The following NCKAP5 variants were observed in gnomAD, a reference collection of about 807,000 sequenced individuals.
NCKAP5 encodes the protein NCK associated protein 5.
A neutral mutation model predicts 167.0 loss-of-function variants in NCKAP5; 92 were observed. That is an observed-to-expected ratio of 0.55 (90% CI 0.47 to 0.66). NCKAP5 has a LOEUF of 0.66. Ranked by LOEUF, NCKAP5 falls within the 30% of genes least tolerant of loss-of-function variation. The probability of loss-of-function intolerance (pLI) is 0.00; values close to 1 mark genes in which losing one functional copy is unlikely to be tolerated. For missense variants in NCKAP5, 2,378 were observed against 2,315.0 expected, an observed-to-expected ratio of 1.03 and a Z score of -0.56; for synonymous variants, 891 against 877.4, an observed-to-expected ratio of 1.02 and a Z score of -0.27.
intron 3 of NCKAP5, among the ~76,000 whole-genome samples, chr2:133,352,621 T>A (rs113087539): frequency 2.6e-4 from 40 of 152,148 alleles, no homozygotes; most frequent in African/African-American, 9.2e-4. Context: ...ACTTGCTGAG[T>A]GGCTGAGTGT....
chr2:133,229,898 T>C (rs979310633), intron 4 of NCKAP5, among the ~76,000 whole-genome samples: 1 of 152,016 alleles, frequency 6.6e-6, no homozygotes, highest in Admixed American at 6.6e-5. Flanking sequence ...GAGTTCAGAC[T>C]CCCAGCTCTT....
intron 8 of NCKAP5, among the ~76,000 whole-genome samples, chr2:132,924,154 T>C (rs1695662408): frequency 6.6e-6 from 1 of 152,162 alleles, no homozygotes; most frequent in African/African-American, 2.4e-5. Context: ...GCTTTTACAG[T>C]CCTGAAAATG....
the NCKAP5 span, among the ~76,000 whole-genome samples, chr2:133,639,431 C>A: frequency 6.6e-6 from 1 of 152,242 alleles, no homozygotes; most frequent in African/African-American, 2.4e-5. Context: ...TCTAAATTGC[C>A]TACTATGACA....
chr2:132,775,720 GC>G (rs1682491577), intron 15 of NCKAP5, among the ~76,000 whole-genome samples: 1 of 152,184 alleles, frequency 6.6e-6, no homozygotes, highest in South Asian at 2.1e-4. Flanking sequence ...TGACCCAAAG[GC>G]CCCCAAACAC....
the NCKAP5 span, among the ~76,000 whole-genome samples, chr2:133,597,426 T>C: frequency 3.3e-5 from 5 of 151,922 alleles, no homozygotes; most frequent in African/African-American, 4.8e-5. Context: ...TCCCAGCACT[T>C]TGGCAGGCTG....
the NCKAP5 span, among the ~76,000 whole-genome samples, chr2:133,663,941 A>G: frequency 1.3e-5 from 2 of 152,196 alleles, no homozygotes; most frequent in Non-Finnish European, 2.9e-5. Context: ...CAGATCCATC[A>G]CAGGATCTGT....
chr2:133,078,764 T>G (rs1391511456), intron 6 of NCKAP5, among the ~76,000 whole-genome samples: 1 of 152,166 alleles, frequency 6.6e-6, no homozygotes, highest in African/African-American at 2.4e-5. Flanking sequence ...ATGGATTTCA[T>G]CTGGGTAAGA....
At chr2:132,991,502 A>G (rs2077446233) in intron 7 of NCKAP5, among the ~76,000 whole-genome samples, 1 of 152,212 alleles carries the variant, frequency 6.6e-6, no homozygotes, top group South Asian at 2.1e-4. Context: ...CAAGCTATAA[A>G]TTACACAAGC....
chr2:133,297,008 A>T (rs530890444), intron 4 of NCKAP5, among the ~76,000 whole-genome samples: 9 of 152,084 alleles, frequency 5.9e-5, no homozygotes, highest in Non-Finnish European at 1.2e-4. Context: ...CTTTTTTCTT[A>T]TGTTTCTTGT....
At chr2:133,487,499 G>T (rs912811890) in intron 3 of NCKAP5, among the ~76,000 whole-genome samples, 4 of 152,112 alleles carry the variant, frequency 2.6e-5, no homozygotes, top group African/African-American at 9.7e-5. Flanking sequence ...GAATGGTCAG[G>T]GGGTGGAGGC....
intron 6 of NCKAP5, among the ~76,000 whole-genome samples, chr2:133,013,980 C>T (rs966668520): frequency 3.9e-5 from 6 of 152,200 alleles, no homozygotes; most frequent in Admixed American, 1.3e-4. Context: ...CTTCCTCTTT[C>T]CTTGACCAAT....
chr2:133,565,457 GA>G (rs1688479365), intron 1 of NCKAP5, among the ~76,000 whole-genome samples: 1 of 152,226 alleles, frequency 6.6e-6, no homozygotes. Flanking sequence ...ACATTTTAAA[GA>G]AGAGAAATTG....
At chr2:133,362,597 T>G (rs1008667517) in intron 3 of NCKAP5, among the ~76,000 whole-genome samples, 7 of 152,244 alleles carry the variant, frequency 4.6e-5, no homozygotes, top group African/African-American at 1.7e-4. Context: ...TAAAAGAGAG[T>G]GTATGACCAT....
At chr2:132,993,583 C>T (rs2077506330) in intron 7 of NCKAP5, among the ~76,000 whole-genome samples, 1 of 152,194 alleles carries the variant, frequency 6.6e-6, no homozygotes, top group Non-Finnish European at 1.5e-5. Flanking sequence ...TCCAGCTCTT[C>T]CCTGTACTCT....
intron 8 of NCKAP5, among the ~76,000 whole-genome samples, chr2:132,910,916 A>C (rs1344211056): frequency 6.6e-6 from 1 of 152,176 alleles, no homozygotes; most frequent in African/African-American, 2.4e-5. Flanking sequence ...TCTATCTCAT[A>C]AGCATCAGTA....
At chr2:132,713,386 G>C (rs1313443296) in intron 19 of NCKAP5, among the ~76,000 whole-genome samples, 1 of 17,228 alleles carries the variant, frequency 5.8e-5, no homozygotes, top group Admixed American at 5.5e-4. Context: ...GCAGTATCTG[G>C]AGGAAGATAT....
At chr2:132,957,320 A>T (rs182241781) in intron 8 of NCKAP5, among the ~76,000 whole-genome samples, 1 of 152,150 alleles carries the variant, frequency 6.6e-6, no homozygotes, top group African/African-American at 2.4e-5. Context: ...TCCACATCCA[A>T]TGGATCCGTA....
At chr2:133,200,540 C>T (rs79796709) in intron 5 of NCKAP5, among the ~76,000 whole-genome samples, 8,799 of 152,134 alleles carry the variant, frequency 0.058, 811 homozygotes, top group African/African-American at 0.2. Flanking sequence ...GGAAAATCTT[C>T]ATGACTCTGG....
chr2:133,108,658 A>G (rs544828889), intron 6 of NCKAP5, among the ~76,000 whole-genome samples: 2 of 152,326 alleles, frequency 1.3e-5, no homozygotes, highest in African/African-American at 4.8e-5. Flanking sequence ...ATCCTTCATG[A>G]GTGAAACTTC....
Sources: gnomAD v4.1 joint callset for allele counts (sites outside exome capture counted in the v4.1 genomes callset) on GRCh38, gnomAD v4.1.1 for gene constraint, MANE v1.5 for transcripts, NCBI Gene and HGNC (gene_info 2026-07-23, HGNC 2026-07-21) for gene names.